HS6ST3: variants seen among roughly 807,000 people sequenced by gnomAD.
HS6ST3 encodes heparan-sulfate 6-O-sulfotransferase 3.
A neutral mutation model predicts 36.7 loss-of-function variants in HS6ST3; 12 were observed. That is an observed-to-expected ratio of 0.33 (90% CI 0.21 to 0.53). The LOEUF (loss-of-function observed/expected upper bound fraction) is 0.53, where lower values mean the gene tolerates loss of function less well. HS6ST3 is among the 20% of genes least tolerant of loss of function. The pLI is 0.95. For synonymous variants in HS6ST3, 240 were observed against 257.5 expected, an observed-to-expected ratio of 0.93 and a Z score of 0.65; for missense variants, 584 against 640.9, an observed-to-expected ratio of 0.91 and a Z score of 0.96.
chr13:96,726,373 C>T (rs896057315), intron 1 of HS6ST3, among the ~76,000 whole-genome samples: 2 of 151,992 alleles, frequency 1.3e-5, no homozygotes, highest in Non-Finnish European at 2.9e-5. Flanking sequence ...GGTATAATTT[C>T]CCATTTAGTT....
At chr13:96,290,753 C>T (rs1594744506) in intron 1 of HS6ST3, among the ~76,000 whole-genome samples, 1 of 152,182 alleles carries the variant, frequency 6.6e-6, no homozygotes, top group Non-Finnish European at 1.5e-5. Context: ...TGGCTTCCCA[C>T]CTCTTTTAGC....
chr13:96,497,048 G>A (rs1027667980), intron 1 of HS6ST3, among the ~76,000 whole-genome samples: 2 of 152,196 alleles, frequency 1.3e-5, no homozygotes, highest in African/African-American at 4.8e-5. Context: ...GGACAAGACA[G>A]CAAGGAGTAG....
At chr13:96,569,181 C>CTTCT (rs2056292180) in intron 1 of HS6ST3, among the ~76,000 whole-genome samples, 3 of 152,314 alleles carry the variant, frequency 2.0e-5, no homozygotes, top group South Asian at 4.1e-4. Flanking sequence ...TCATACTGAG[C>CTTCT]TTCTACTAGA....
chr13:96,117,243 T>A (rs1594682105), intron 1 of HS6ST3, among the ~76,000 whole-genome samples: 1 of 152,296 alleles, frequency 6.6e-6, no homozygotes, highest in East Asian at 1.9e-4. Flanking sequence ...TTGGTCTGAA[T>A]ATTTCATAAG....
chr13:96,190,605 T>G (rs913459612), intron 1 of HS6ST3, among the ~76,000 whole-genome samples: 3 of 152,164 alleles, frequency 2.0e-5, no homozygotes, highest in Non-Finnish European at 4.4e-5. Context: ...GATAAAGCAA[T>G]GAACAAAACA....
At chr13:96,645,453 T>C (rs932465964) in intron 1 of HS6ST3, among the ~76,000 whole-genome samples, 1 of 151,026 alleles carries the variant, frequency 6.6e-6, no homozygotes, top group African/African-American at 2.4e-5. Context: ...TACCTATGAT[T>C]CCTTTTATCT....
chr13:96,501,419 C>G (rs2056003933), intron 1 of HS6ST3, among the ~76,000 whole-genome samples: 1 of 152,216 alleles, frequency 6.6e-6, no homozygotes, highest in African/African-American at 2.4e-5. Flanking sequence ...GCCAAGCTCC[C>G]TGTGTTCAAA....
chr13:96,559,799 G>A (rs1428705524), intron 1 of HS6ST3, among the ~76,000 whole-genome samples: 5 of 151,980 alleles, frequency 3.3e-5, no homozygotes, highest in African/African-American at 7.3e-5. Context: ...TAAAGCAAAA[G>A]GTTATAATGA....
At chr13:96,341,517 C>A (rs962845454) in intron 1 of HS6ST3, among the ~76,000 whole-genome samples, 1 of 151,996 alleles carries the variant, frequency 6.6e-6, no homozygotes, top group African/African-American at 2.4e-5. Context: ...TAACAAATTC[C>A]CTATGTGATG....
intron 1 of HS6ST3, among the ~76,000 whole-genome samples, chr13:96,571,778 G>A (rs2056301834): frequency 6.6e-6 from 1 of 152,112 alleles, no homozygotes; most frequent in African/African-American, 2.4e-5. Flanking sequence ...TAGTGTTTAG[G>A]AAAAAGAGTC....
intron 1 of HS6ST3, among the ~76,000 whole-genome samples, chr13:96,291,272 T>A (rs2139398907): frequency 6.6e-6 from 1 of 152,334 alleles, no homozygotes; most frequent in South Asian, 2.1e-4. Flanking sequence ...AATAAATATT[T>A]GTTAAATGAG....
intron 1 of HS6ST3, among the ~76,000 whole-genome samples, chr13:96,563,586 T>C (rs1392690461): frequency 1.3e-5 from 2 of 152,232 alleles, no homozygotes; most frequent in Admixed American, 1.3e-4. Flanking sequence ...ATCCCAAGTG[T>C]ATAAGAAAGA....
chr13:96,338,530 A>G (rs1322053070), intron 1 of HS6ST3, among the ~76,000 whole-genome samples: 2 of 152,188 alleles, frequency 1.3e-5, no homozygotes, highest in Non-Finnish European at 2.9e-5. Flanking sequence ...TAGAGAGAGC[A>G]TCTGGAGACC....
At chr13:96,527,217 G>A (rs1441438893) in intron 1 of HS6ST3, among the ~76,000 whole-genome samples, 1 of 152,056 alleles carries the variant, frequency 6.6e-6, no homozygotes, top group Non-Finnish European at 1.5e-5. Flanking sequence ...AGCTTTGCAA[G>A]TTGTTGGGAT....
At chr13:96,667,050 C>G (rs781749076) in intron 1 of HS6ST3, among the ~76,000 whole-genome samples, 3 of 152,146 alleles carry the variant, frequency 2.0e-5, no homozygotes, top group Non-Finnish European at 4.4e-5. Context: ...AAACACCACA[C>G]GTCCCACTTG....
intron 1 of HS6ST3, among the ~76,000 whole-genome samples, chr13:96,270,789 T>G (rs1374502927): frequency 6.6e-6 from 1 of 151,896 alleles, no homozygotes; most frequent in Non-Finnish European, 1.5e-5. Context: ...GAGCTCAATG[T>G]CATACCCTCT....
At chr13:96,240,453 T>G (rs551443572) in intron 1 of HS6ST3, among the ~76,000 whole-genome samples, 1 of 152,326 alleles carries the variant, frequency 6.6e-6, no homozygotes, top group African/African-American at 2.4e-5. Flanking sequence ...ATATATTTTT[T>G]AAAAAGTTCC....
intron 1 of HS6ST3, among the ~76,000 whole-genome samples, chr13:96,323,169 G>C (rs1474891325): frequency 2.6e-5 from 4 of 152,032 alleles, no homozygotes; most frequent in Non-Finnish European, 5.9e-5. Flanking sequence ...ATATCGAATT[G>C]CATATATAGT....
At chr13:96,322,570 AAAAAT>A (rs2055009729) in intron 1 of HS6ST3, among the ~76,000 whole-genome samples, 1 of 152,084 alleles carries the variant, frequency 6.6e-6, no homozygotes, top group Non-Finnish European at 1.5e-5. Context: ...AAATAAAATG[AAAAAT>A]AAAATAAAAT....
Sources: allele counts gnomAD v4.1 joint callset (sites outside exome capture counted in the v4.1 genomes callset), GRCh38; gene constraint gnomAD v4.1.1; transcripts MANE v1.5; gene names NCBI Gene and HGNC (gene_info 2026-07-23, HGNC 2026-07-21).